The following TMPRSS9 variants were observed in gnomAD, a reference collection of about 807,000 sequenced individuals.
The protein encoded by TMPRSS9 is transmembrane protease serine 9.
A neutral mutation model predicts 111.4 loss-of-function variants in TMPRSS9; 113 were observed. The observed-to-expected ratio is 1.01, with a 90% CI of 0.87 to 1.19. The LOEUF (loss-of-function observed/expected upper bound fraction) is 1.19. Among genes scored for constraint, TMPRSS9 ranks in the 50% most tolerant of loss-of-function variants. The probability of loss-of-function intolerance (pLI) is 0.00; values close to 1 mark genes in which losing one functional copy is unlikely to be tolerated. For synonymous variants in TMPRSS9, 805 were observed against 659.1 expected, an observed-to-expected ratio of 1.22 and a Z score of -3.39; for missense variants, 1,803 against 1,513.1, an observed-to-expected ratio of 1.19 and a Z score of -3.18.
At chr19:2,360,730 G>T (rs562576293) in intron 1 of TMPRSS9, among the ~76,000 whole-genome samples, 1 of 148,272 alleles carries the variant, frequency 6.7e-6, no homozygotes, top group Admixed American at 6.7e-5. Context: ...TTATGTGGAC[G>T]CAGGTGTGGC....
chr19:2,362,945 TGTGTTGTGTG>T, intron 1 of TMPRSS9, among the ~76,000 whole-genome samples: 1 of 78,420 alleles, frequency 1.3e-5, no homozygotes, highest in South Asian at 6.3e-4. Flanking sequence ...GTGTTGTGTG[TGTGTTGTGTG>T]AGGTTGTGGT....
At chr19:2,413,774 A>T in exon 10 of TMPRSS9, 3 of 1,613,866 alleles carry the variant, frequency 1.9e-6, no homozygotes, top group Non-Finnish European at 2.5e-6. Flanking sequence ...TGAGCTGGGG[A>T]ATCGGGTGTG....
chr19:2,414,531 C>A (rs544349459), intron 10 of TMPRSS9, among the ~76,000 whole-genome samples: 5 of 152,178 alleles, frequency 3.3e-5, no homozygotes, highest in African/African-American at 1.2e-4. Flanking sequence ...AGCCACCATG[C>A]CCGGTCTGGA....
rs1027376774 is a variant in TMPRSS9 at position 2,374,248 on chromosome 19, C to CTTTT, written c.-26+13922_-26+13925dup. Among the ~76,000 whole-genome samples the CTTTT allele has an allele frequency of 1.5e-3, 104 of 70,394 alleles. 19 individuals are homozygous for CTTTT. Among genetic ancestry groups the CTTTT allele is most frequent in the Non-Finnish European group, 2.2e-3 (81 of 36,544 alleles). The allele number at this position is 70,394 out of a possible 152,430, so 46.2% of individuals were successfully genotyped here. On this transcript the variant is annotated intron_variant, in intron 1 of 17. Transcript: ENST00000649857. ...TTTCATGCTGATTTCTCTCAACAAT[C>CTTTT]TTTTTTTTTTTTTTTTTTTTTTTTT...
chr19:2,411,817 G>C (rs1017520077), intron 9 of TMPRSS9, among the ~76,000 whole-genome samples: 3 of 152,162 alleles, frequency 2.0e-5, no homozygotes, highest in African/African-American at 7.2e-5. Flanking sequence ...CTCCCAAAGT[G>C]CTAGGATTAC....
At chr19:2,402,242 A>G (rs1378957240) in intron 5 of TMPRSS9, among the ~76,000 whole-genome samples, 1 of 151,242 alleles carries the variant, frequency 6.6e-6, no homozygotes, top group Non-Finnish European at 1.5e-5. Context: ...AAATAATAAT[A>G]AAAAAAGGCC....
At chr19:2,389,768 T>C in exon 1 of TMPRSS9, 1 of 1,605,804 alleles carries the variant, frequency 6.2e-7, no homozygotes, top group South Asian at 1.1e-5. Flanking sequence ...CAGCTCGCTG[T>C]CTGCGTGTCT....
chr19:2,405,701 G>T lies in TMPRSS9; in HGVS notation c.842+156G>T, dbSNP rs567776625. Among the ~76,000 whole-genome samples the T allele has an allele frequency of 6.3e-4, 93 of 146,704 alleles. 1 individual carries two copies. The highest frequency in any genetic ancestry group is 2.3e-3 in the African/African-American group (89 of 38,380). On this transcript the variant is annotated intron_variant, in intron 7 of 17. Transcript: ENST00000648592. Reference sequence around the variant, plus strand: ...GCTTTTGCTGTTGTTGAATCTGAGGGCATTCTTTTTTTTTTTTTTTTTGAG... The same window carrying T: ...GCTTTTGCTGTTGTTGAATCTGAGGTCATTCTTTTTTTTTTTTTTTTTGAG...
chr19:2,379,635 T>TTCTA (rs1327296899), intron 1 of TMPRSS9, among the ~76,000 whole-genome samples: 2 of 131,996 alleles, frequency 1.5e-5, no homozygotes, highest in African/African-American at 4.0e-5. Context: ...CTTTCTTTCT[T>TTCTA]TCTTTCTTTC....
At chr19:2,398,892 A>G in intron 3 of TMPRSS9, 30 bp downstream of exon 4, 1 of 1,530,114 alleles carries the variant, frequency 6.5e-7, no homozygotes, top group Non-Finnish European at 8.7e-7. Context: ...GGGTGAAGGA[A>G]ACTTGGTGGA....
intron 12 of TMPRSS9, among the ~76,000 whole-genome samples, chr19:2,417,692 GTCTA>G (rs1971281494): frequency 6.6e-6 from 1 of 152,076 alleles, no homozygotes; most frequent in Admixed American, 6.6e-5. Flanking sequence ...GCTTGCGCTA[GTCTA>G]TCCCGAGACC....
intron 2 of TMPRSS9, among the ~76,000 whole-genome samples, chr19:2,396,870 C>T (rs563322366): frequency 4.0e-5 from 6 of 151,622 alleles, no homozygotes; most frequent in Admixed American, 6.6e-5. Flanking sequence ...GAGCTGTATC[C>T]ACTGAGGACA....
chr19:2,401,148 C>T (rs1164883566), intron 4 of TMPRSS9, among the ~76,000 whole-genome samples: 1 of 152,040 alleles, frequency 6.6e-6, no homozygotes, highest in Non-Finnish European at 1.5e-5. Context: ...GTGGCGGGCG[C>T]CTGTAGTCCC....
chr19:2,368,009 C>G (rs1227879291), intron 1 of TMPRSS9, among the ~76,000 whole-genome samples: 1 of 152,166 alleles, frequency 6.6e-6, no homozygotes, highest in African/African-American at 2.4e-5. Flanking sequence ...CCATGCCTGG[C>G]TTTATCCACT....
chr19:2,385,139 G>A (rs1035244288), upstream of TMPRSS9, among the ~76,000 whole-genome samples: 6 of 147,016 alleles, frequency 4.1e-5, no homozygotes, highest in African/African-American at 1.5e-4. Flanking sequence ...GCCGGAGCTC[G>A]CAGGGGGCGG....
intron 1 of TMPRSS9, among the ~76,000 whole-genome samples, chr19:2,378,057 T>A (rs1038051256): frequency 1.3e-5 from 2 of 151,906 alleles, no homozygotes; most frequent in African/African-American, 4.8e-5. Context: ...AAATTTTACA[T>A]TTCGTAGAGA....
intron 10 of TMPRSS9, among the ~76,000 whole-genome samples, chr19:2,415,322 C>T (rs115981679): frequency 8.1e-4 from 123 of 152,224 alleles, no homozygotes; most frequent in African/African-American, 2.6e-3. Context: ...TTTTCTCAGC[C>T]GCCCCATGGG....
upstream of TMPRSS9, among the ~76,000 whole-genome samples, chr19:2,386,541 C>T (rs1187920950): frequency 6.6e-6 from 1 of 151,890 alleles, no homozygotes; most frequent in Admixed American, 6.6e-5. Context: ...GATAGGATTA[C>T]AGGCGTGAGC....
At chr19:2,363,898 G>C (rs1054361133) in intron 1 of TMPRSS9, among the ~76,000 whole-genome samples, 1 of 151,758 alleles carries the variant, frequency 6.6e-6, no homozygotes, top group African/African-American at 2.4e-5. Context: ...CTCCTCCTCT[G>C]TAAATGGGCA....
Sources: allele counts gnomAD v4.1 joint callset (sites outside exome capture counted in the v4.1 genomes callset), GRCh38; gene constraint gnomAD v4.1.1; transcripts MANE v1.5; gene names NCBI Gene and HGNC (gene_info 2026-07-23, HGNC 2026-07-21).